Variants in TIMP4 observed in about 807,000 individuals in gnomAD.
TIMP4 encodes the protein TIMP metallopeptidase inhibitor 4, also known as metalloproteinase inhibitor 4.
In TIMP4, 28 loss-of-function variants were observed where a neutral mutation model predicts 27.3. The ratio of observed to expected loss-of-function variants is 1.03; its 90% confidence interval spans 0.76 to 1.41. The LOEUF is 1.41. TIMP4 is among the 40% of genes most tolerant of loss of function. The pLI is 0.00. For synonymous variants in TIMP4, 138 were observed against 115.5 expected, an observed-to-expected ratio of 1.20 and a Z score of -1.25; for missense variants, 307 against 285.5, an observed-to-expected ratio of 1.08 and a Z score of -0.54.
At chr3:12,153,762 T>A in intron 4 of TIMP4, 50 bp from the exon 5 acceptor site, 1 of 1,596,660 alleles carries the variant, frequency 6.3e-7, no homozygotes, top group Non-Finnish European at 8.6e-7. Context: ...TCCTTCTTTT[T>A]CCATTGCTGC....
Position 12,154,421 on chromosome 3 carries a change from A to G in TIMP4, c.383T>C (p.Ile128Thr). The G allele has an allele frequency of 1.9e-6, 3 of 1,614,122 alleles. No individual in the cohort carries two copies. Among genetic ancestry groups the G allele is most frequent in the Non-Finnish European group, 1.7e-6 (2 of 1,180,030 alleles). The part of the protein sequence containing the change: ...GQVLSDGKVF[I>T]HLCNYIEPWE... ...GGGCTCGATGTAGTTGCACAGATGGATGAAGACTTTTCCATCACTGAGGAC... is the reference window on the plus strand; with the variant it reads ...GGGCTCGATGTAGTTGCACAGATGGGTGAAGACTTTTCCATCACTGAGGAC... The change falls in exon 4 of 5, where the codon ATC becomes ACC. Residue 128 changes from isoleucine to threonine, a missense_variant. By Grantham distance (89) the Ile-to-Thr change is moderately conservative. Coordinates refer to ENST00000287814, the MANE Select transcript of TIMP4 (RefSeq NM_003256.4).
intron 3 of TIMP4, among the ~76,000 whole-genome samples, chr3:12,154,934 A>G (rs930556828): frequency 1.3e-5 from 2 of 152,184 alleles, no homozygotes; most frequent in Non-Finnish European, 2.9e-5. Flanking sequence ...CCTTCCCAGT[A>G]TCTGCACAGG....
rs1300588123 is a variant in TIMP4 at position 12,153,230 on chromosome 3, A to G, written c.*285T>C. The G allele has an allele frequency of 2.0e-6, 1 of 499,736 alleles. No individual in the cohort carries two copies. Among genetic ancestry groups the G allele is most frequent in the African/African-American group, 1.9e-5 (1 of 51,918 alleles). 31.0% of individuals were successfully genotyped at this position (499,736 alleles called of 1,614,324 possible). A position where few individuals can be genotyped will look rare whatever the true frequency, so the allele number is the denominator to read the frequency against. On this transcript the variant is annotated 3_prime_UTR_variant, in exon 5 of 5. Transcript: ENST00000287814. ...GAAAACACATATTCCTGGGGAGGAAAGGGAATAGTCCTGGCTTTAGAAAAC... is the reference window on the plus strand; with the variant it reads ...GAAAACACATATTCCTGGGGAGGAAGGGGAATAGTCCTGGCTTTAGAAAAC...
chr3:12,153,661 G>A lies in TIMP4; in HGVS notation c.529C>T (p.Leu177Phe). ...CGTTCCAACAGCCAGTCTGTCCAGA[G>A]GCACTCGTTAGGGGCCGAGATGGTA... ...PCTISAPNEC[L>F]WTDWLLERKL... is the part of the protein sequence containing the mutation. The change falls in exon 5 of 5, where the codon CTC (leucine) becomes TTC (phenylalanine). Residue 177 changes from leucine (L) to phenylalanine (F), a missense_variant. Transcript: ENST00000287814. The A allele has an allele frequency of 8.7e-6, 14 of 1,614,222 alleles. No individual in the cohort carries two copies. The highest frequency in any genetic ancestry group is 1.2e-5 in the Non-Finnish European group (14 of 1,180,040).
At position 12,158,871 on chromosome 3, in the gene TIMP4, G is replaced by C; in HGVS notation, c.-31C>G. ...TGCAGATCCGCGACTGAGCCTGTGA[G>C]GTCTGGGGGACTGGACGGCCCCAGC... On this transcript the variant is annotated 5_prime_UTR_variant, in exon 1 of 5. Transcript: ENST00000287814. The C allele has an allele frequency of 6.6e-7, 1 of 1,524,830 alleles. No individual in the cohort carries two copies. Among genetic ancestry groups the C allele is most frequent in the East Asian group, 2.4e-5 (1 of 41,952 alleles). 94.5% of individuals were successfully genotyped at this position (1,524,830 alleles called of 1,614,324 possible).
At chr3:12,156,966 G>T in intron 2 of TIMP4, 32 bp from the exon 3 acceptor site, 1 of 1,490,638 alleles carries the variant, frequency 6.7e-7, no homozygotes. Flanking sequence ...AGGCAATATT[G>T]GGTCAGTGAG....
In TIMP4 at chr3:12,153,644, C is replaced by T. The variant is rs776322088; in HGVS notation, c.546G>A (p.Leu182=). Residue 182 remains leucine, a synonymous_variant, in exon 5 of 5, where the codon CTG becomes CTA. Coordinates refer to ENST00000287814, the MANE Select transcript of TIMP4 (RefSeq NM_003256.4). ...GGTAACCATAGAGCTTTCGTTCCAA[C>T]AGCCAGTCTGTCCAGAGGCACTCGT... ...APNECLWTDW[L]LERKLYGYQA... The T allele has an allele frequency of 1.2e-6, 2 of 1,614,200 alleles. No individual in the cohort carries two copies. The highest frequency in any genetic ancestry group is 3.3e-5 in the Admixed American group (2 of 60,024).
Position 12,158,684 on chromosome 3 carries a change from C to T in TIMP4, c.139+18G>A, listed in dbSNP as rs376200377. On this transcript the variant is annotated intron_variant, in intron 1 of 4. Transcript: ENST00000287814. The stretch of plus-strand genomic sequence containing the variant: ...CACAACCACCCCCTGCTGTGGACCT[C>T]GCGGACCTCGGACTCACCAAGTGCC... 38 of 1,609,108 alleles carry T rather than the reference C, an allele frequency of 2.4e-5. No homozygotes were observed. The highest frequency in any genetic ancestry group is 1.6e-4 in the Middle Eastern group (1 of 6,076).
chr3:12,158,151 C>T (rs1322254552), intron 1 of TIMP4, among the ~76,000 whole-genome samples: 3 of 152,132 alleles, frequency 2.0e-5, no homozygotes, highest in Non-Finnish European at 1.5e-5. Context: ...GAGGCGGCAC[C>T]AAGGAGCCCG....
chr3:12,158,086 C>T (rs1171632699), intron 1 of TIMP4, among the ~76,000 whole-genome samples: 1 of 152,070 alleles, frequency 6.6e-6, no homozygotes, highest in Non-Finnish European at 1.5e-5. Flanking sequence ...GGAGTGCACA[C>T]GTGTAAAGAA....
chr3:12,155,367 T>C (rs1697424946), intron 3 of TIMP4, among the ~76,000 whole-genome samples: 1 of 151,718 alleles, frequency 6.6e-6, no homozygotes, highest in African/African-American at 2.4e-5. Context: ...ATGGAAGGAG[T>C]GTGGGGCAAA....
chr3:12,157,020 C>T (rs1697478688), intron 2 of TIMP4, 86 bp from the exon 3 acceptor site: 1 of 969,072 alleles, frequency 1.0e-6, no homozygotes, highest in African/African-American at 1.6e-5. Flanking sequence ...ACTTCTCAGC[C>T]TAAAAATGTA....
chr3:12,153,642 A>T lies in TIMP4; in HGVS notation c.548T>A (p.Leu183Ter). 6.2e-7 allele frequency: 1 copy of T among 1,614,200 alleles called. No homozygotes were observed. Among genetic ancestry groups the T allele is most frequent in the Non-Finnish European group, 8.5e-7 (1 of 1,180,032 alleles). The change falls in exon 5 of 5, where the codon TTG (leucine) becomes TAG (stop). Residue 183 changes from leucine (L) to a stop codon, truncating the protein, a stop_gained. Transcript: ENST00000287814. LOFTEE classifies it high-confidence loss of function. ...CTGGTAACCATAGAGCTTTCGTTCC[A>T]ACAGCCAGTCTGTCCAGAGGCACTC... ...PNECLWTDWL[L>*]ERKLYGYQAQ... is the part of the protein sequence containing the mutation.
At position 12,157,314 on chromosome 3, in the gene TIMP4, C is replaced by T. The variant is rs1001365306; in HGVS notation, c.237+71G>A. ...GCCAGGCCACCTGAAAGCTACCAGC[C>T]CTCCCAGAACACAGACTCCACTTTC... On this transcript the variant is annotated intron_variant, in intron 2 of 4. Transcript: ENST00000287814. The T allele has an allele frequency of 4.2e-5, 61 of 1,447,520 alleles. 1 individual carries two copies. The highest frequency in any genetic ancestry group is 3.7e-5 in the Non-Finnish European group (38 of 1,037,832). The allele number at this position is 1,447,520 out of a possible 1,614,324, so 89.7% of individuals were successfully genotyped here. A position where few individuals can be genotyped will look rare whatever the true frequency, so the allele number is the denominator to read the frequency against.
In TIMP4 at chr3:12,154,420, G is replaced by A. The variant is rs2125227978; in HGVS notation, c.384C>T (p.Ile128=). ...AGGGCTCGATGTAGTTGCACAGATG[G>A]ATGAAGACTTTTCCATCACTGAGGA... is the stretch of plus-strand genomic sequence containing the variant. ...GQVLSDGKVF[I]HLCNYIEPWE... is the part of the protein sequence containing the mutation. The change falls in exon 4 of 5, where the codon ATC becomes ATT. Residue 128 remains isoleucine, a synonymous_variant. Coordinates refer to ENST00000287814, the MANE Select transcript of TIMP4 (RefSeq NM_003256.4). The A allele has an allele frequency of 6.2e-7, 1 of 1,614,128 alleles. No individual in the cohort carries two copies. The highest frequency in any genetic ancestry group is 8.5e-7 in the Non-Finnish European group (1 of 1,180,020).
At position 12,153,154 on chromosome 3, in the gene TIMP4, CAT is replaced by C. The variant is rs1320883060; in HGVS notation, c.*359_*360del. On this transcript the variant is annotated 3_prime_UTR_variant, in exon 5 of 5. Transcript: ENST00000287814. ...TGTACATCGCAAGGATATACCATCT[CAT>C]GTGTATGACATTCGCCATTTCTCCC... The C allele has an allele frequency of 1.7e-5, 6 of 349,292 alleles. No individual in the cohort carries two copies. The highest frequency in any genetic ancestry group is 5.9e-5 in the South Asian group (2 of 34,032). The allele number at this position is 349,292 out of a possible 1,614,324, so 21.6% of individuals were successfully genotyped here. A position where few individuals can be genotyped will look rare whatever the true frequency, so the allele number is the denominator to read the frequency against.
Position 12,153,557 on chromosome 3 carries a change from G to T in TIMP4, c.633C>A (p.His211Gln). 2 of 1,613,998 alleles carry T rather than the reference G, an allele frequency of 1.2e-6. No homozygotes were observed. The highest frequency in any genetic ancestry group is 1.7e-6 in the Non-Finnish European group (2 of 1,179,994). ...CAACAAACTCCTTCCTGAGAGGCAG[G>T]TGGCCCCGGTACCAGCTGCAGGTGC... ...VDGTCSWYRGHLPLRKEFVDI... is the reference protein window; with the variant it reads ...VDGTCSWYRGQLPLRKEFVDI... Residue 211 changes from histidine (H) to glutamine (Q), a missense_variant, in exon 5 of 5, where the codon CAC (histidine) becomes CAA (glutamine). His to Gln is a conservative substitution (Grantham distance 24, BLOSUM62 0). Transcript: ENST00000287814.
Position 12,153,338 on chromosome 3 carries a change from G to A in TIMP4, c.*177C>T. 5.8e-6 allele frequency: 4 copies of A among 691,804 alleles called. No homozygotes were observed. The highest frequency in any genetic ancestry group is 1.0e-5 in the Non-Finnish European group (4 of 397,500). The allele number at this position is 691,804 out of a possible 1,614,324, so 42.9% of individuals were successfully genotyped here. ...TGGGAGGCAGGGGCAACAGGCTGAG[G>A]GCAGGGCAGAAAAGTCATGGCCCCT... On this transcript the variant is annotated 3_prime_UTR_variant, in exon 5 of 5. Transcript: ENST00000287814.
At chr3:12,158,525 C>G in intron 1 of TIMP4, 177 bp downstream of exon 1, 1 of 857,206 alleles carries the variant, frequency 1.2e-6, no homozygotes, top group Middle Eastern at 2.3e-4. Flanking sequence ...CAGTCAGGTT[C>G]TGGGCTTGCA....
Sources: gnomAD v4.1 joint callset for allele counts (sites outside exome capture counted in the v4.1 genomes callset) on GRCh38, gnomAD v4.1.1 for gene constraint, MANE v1.5 for transcripts, NCBI Gene and HGNC (gene_info 2026-07-23, HGNC 2026-07-21) for gene names.